The following CRB1 variants were observed in gnomAD, a reference collection of about 807,000 sequenced individuals.
CRB1 encodes crumbs cell polarity complex component 1.
CRB1 carries 83 observed loss-of-function variants against 120.0 expected under a neutral mutation model. That is an observed-to-expected ratio of 0.69 (90% CI 0.58 to 0.83). The LOEUF (loss-of-function observed/expected upper bound fraction) is 0.83. CRB1 is among the 40% of genes least tolerant of loss of function. CRB1 has a pLI of 0.00. For missense variants in CRB1, 1,699 were observed against 1,687.6 expected, an observed-to-expected ratio of 1.01 and a Z score of -0.12; for synonymous variants, 625 against 612.5, an observed-to-expected ratio of 1.02 and a Z score of -0.30.
the CRB1 span, among the ~76,000 whole-genome samples, chr1:197,245,928 C>A: frequency 1.3e-5 from 2 of 152,054 alleles, no homozygotes; most frequent in African/African-American, 4.8e-5. Flanking sequence ...CCTTCCACTG[C>A]CACCACAGTT....
the CRB1 span, among the ~76,000 whole-genome samples, chr1:197,247,961 G>A: frequency 6.6e-6 from 1 of 151,848 alleles, no homozygotes; most frequent in Admixed American, 6.6e-5. Context: ...AGTATACTCT[G>A]ATATTAACTA....
At chr1:197,222,357 AT>A in the CRB1 span, 1 of 755,078 alleles carries the variant, frequency 1.3e-6, no homozygotes. Flanking sequence ...TGCATTGTCC[AT>A]GGCCTTCTCT....
chr1:197,299,124 AGTAT>A (rs1317823476), intron 1 of CRB1, among the ~76,000 whole-genome samples: 1 of 152,174 alleles, frequency 6.6e-6, no homozygotes, highest in African/African-American at 2.4e-5. Context: ...TGATGATCTT[AGTAT>A]GTAAAGCACT....
chr1:197,420,054 T>C (rs1208641212), intron 5 of CRB1, among the ~76,000 whole-genome samples: 1 of 151,572 alleles, frequency 6.6e-6, no homozygotes, highest in Non-Finnish European at 1.5e-5. Flanking sequence ...CTTTGGAACT[T>C]AGACTTCACT....
chr1:197,281,481 T>G (rs1655516781), intron 1 of CRB1, among the ~76,000 whole-genome samples: 1 of 151,750 alleles, frequency 6.6e-6, no homozygotes, highest in South Asian at 2.1e-4. Context: ...AGCCTACTCT[T>G]CACGTGTTGG....
intron 1 of CRB1, among the ~76,000 whole-genome samples, chr1:197,306,506 C>A (rs750090475): frequency 6.6e-6 from 1 of 152,080 alleles, no homozygotes; most frequent in Non-Finnish European, 1.5e-5. Flanking sequence ...GAAAGTACTA[C>A]GCTGAGATGG....
intron 1 of CRB1, among the ~76,000 whole-genome samples, chr1:197,284,779 A>G (rs1655727549): frequency 6.6e-6 from 1 of 151,734 alleles, no homozygotes; most frequent in Admixed American, 6.6e-5. Context: ...TTCAAAATTG[A>G]CAAATAAAGT....
At chr1:197,297,310 T>TG (rs901869102) in intron 1 of CRB1, among the ~76,000 whole-genome samples, 1 of 152,060 alleles carries the variant, frequency 6.6e-6, no homozygotes, top group Non-Finnish European at 1.5e-5. Flanking sequence ...TATTAAATTG[T>TG]GCTATTATAC....
At position 197,428,005 on chromosome 1, in the gene CRB1, A is replaced by G. The variant is rs1485130763; in HGVS notation, c.2676+4A>G. Reference sequence around the variant, plus strand: ...TGCTGGAGACAACAGCTGCAAGGTAATGATTACTCATACAAACTAGGTATA... The same window carrying G: ...TGCTGGAGACAACAGCTGCAAGGTAGTGATTACTCATACAAACTAGGTATA... On this transcript the variant is annotated splice_donor_region_variant and intron_variant, in intron 7 of 11. Transcript: ENST00000367400. The G allele has an allele frequency of 8.1e-6, 13 of 1,612,554 alleles. No homozygotes were observed. The highest frequency in any genetic ancestry group is 1.0e-5 in the Non-Finnish European group (12 of 1,179,244).
At chr1:197,220,147 A>G in the CRB1 span, among the ~76,000 whole-genome samples, 1 of 152,080 alleles carries the variant, frequency 6.6e-6, no homozygotes, top group Non-Finnish European at 1.5e-5. Flanking sequence ...TAACATGGAG[A>G]GGCTGAAAGA....
At chr1:197,416,320 A>C (rs552056471) in intron 5 of CRB1, among the ~76,000 whole-genome samples, 1 of 152,300 alleles carries the variant, frequency 6.6e-6, no homozygotes, top group East Asian at 1.9e-4. Flanking sequence ...CTATCATTCA[A>C]AGTATTTTTC....
intron 2 of CRB1, among the ~76,000 whole-genome samples, chr1:197,338,653 GT>G (rs1279536317): frequency 2.6e-5 from 4 of 152,142 alleles, no homozygotes; most frequent in Non-Finnish European, 5.9e-5. Flanking sequence ...TGAAAAAAAT[GT>G]TTAATATGGA....
rs141868392 is a variant in CRB1 at position 197,343,188 on chromosome 1, C to G, written c.653-1093C>G. 6.5e-3 allele frequency among the ~76,000 whole-genome samples: 986 copies of G among 152,154 alleles called. 19 individuals are homozygous for G. The highest frequency in any genetic ancestry group is 0.023 in the African/African-American group (950 of 41,520). On this transcript the variant is annotated intron_variant, in intron 2 of 11. Transcript: ENST00000367400. ...CATTTTCTGTAGAGAAAAATGGGCACAAATCAATTGAACTACTACTGACTT... is the reference window on the plus strand; with the variant it reads ...CATTTTCTGTAGAGAAAAATGGGCAGAAATCAATTGAACTACTACTGACTT...
the CRB1 span, among the ~76,000 whole-genome samples, chr1:197,249,611 C>T: frequency 2.0e-5 from 3 of 151,868 alleles, no homozygotes; most frequent in African/African-American, 7.2e-5. Context: ...TTTTTATTTC[C>T]TGGCACCCTG....
chr1:197,382,443 A>C (rs1662003859), intron 5 of CRB1, among the ~76,000 whole-genome samples: 1 of 152,220 alleles, frequency 6.6e-6, no homozygotes, highest in African/African-American at 2.4e-5. Context: ...CTTCTTTTGA[A>C]TAATATACAG....
intron 8 of CRB1, 93 bp from the exon 9 acceptor site, chr1:197,434,613 T>C: frequency 8.7e-7 from 1 of 1,146,522 alleles, no homozygotes; most frequent in Non-Finnish European, 1.3e-6. Context: ...ATATGCAATG[T>C]TATTAACACA....
At chr1:197,289,339 TG>T (rs1656028124) in intron 1 of CRB1, among the ~76,000 whole-genome samples, 1 of 151,834 alleles carries the variant, frequency 6.6e-6, no homozygotes, top group African/African-American at 2.4e-5. Flanking sequence ...TTTTCTTCTA[TG>T]GAAAATTGTG....
At chr1:197,343,590 G>T (rs1465734658) in intron 2 of CRB1, among the ~76,000 whole-genome samples, 1 of 151,856 alleles carries the variant, frequency 6.6e-6, no homozygotes, top group African/African-American at 2.4e-5. Context: ...TTTACAAAAA[G>T]AAAAATTAAG....
chr1:197,448,455 C>A (rs1665805918), intron 11 of CRB1, among the ~76,000 whole-genome samples: 1 of 152,126 alleles, frequency 6.6e-6, no homozygotes, highest in South Asian at 2.1e-4. Context: ...TCTCCATATA[C>A]AATTTGGGTT....
Sources: gnomAD v4.1 joint callset for allele counts (sites outside exome capture counted in the v4.1 genomes callset) on GRCh38, gnomAD v4.1.1 for gene constraint, MANE v1.5 for transcripts, NCBI Gene and HGNC (gene_info 2026-07-23, HGNC 2026-07-21) for gene names.